GOLGA8B: variants seen among roughly 807,000 people sequenced by gnomAD.
The protein encoded by GOLGA8B is golgin subfamily A member 8B.
GOLGA8B carries 1 observed loss-of-function variant against 15.6 expected under a neutral mutation model. That is an observed-to-expected ratio of 0.06 (90% CI 0.02 to 0.30). The LOEUF is 0.30. Ranked by LOEUF, GOLGA8B falls within the 10% of genes least tolerant of loss-of-function variation. The pLI, the probability that GOLGA8B is intolerant of heterozygous loss-of-function variation, is 1.00. For synonymous variants in GOLGA8B, 9 were observed against 80.3 expected, an observed-to-expected ratio of 0.11 and a Z score of 4.75; for missense variants, 17 against 201.3, an observed-to-expected ratio of 0.08 and a Z score of 5.54.
intron 1 of GOLGA8B, among the ~76,000 whole-genome samples, chr15:34,569,315 C>T (rs1487782517): frequency 6.7e-6 from 1 of 150,052 alleles, no homozygotes; most frequent in Non-Finnish European, 1.5e-5. Flanking sequence ...AACAAACACC[C>T]AGGCCTTGGA....
chr15:34,581,927 A>T (rs1414805901), intron 1 of GOLGA8B, among the ~76,000 whole-genome samples: 2 of 152,116 alleles, frequency 1.3e-5, no homozygotes, highest in African/African-American at 4.8e-5. Flanking sequence ...CAGTACTGCT[A>T]GAGCCCACCG....
intron 1 of GOLGA8B, among the ~76,000 whole-genome samples, chr15:34,577,856 G>T (rs1889124234): frequency 6.6e-6 from 1 of 152,200 alleles, no homozygotes; most frequent in Admixed American, 6.5e-5. Flanking sequence ...TTGCTCCGGT[G>T]AGTCAGTCTG....
At chr15:34,579,029 C>T (rs1371227284) in intron 1 of GOLGA8B, among the ~76,000 whole-genome samples, 3 of 152,066 alleles carry the variant, frequency 2.0e-5, no homozygotes, top group Non-Finnish European at 4.4e-5. Context: ...TAAAATATCT[C>T]GCATCAGTTC....
rs543825045 is a variant in GOLGA8B, at chr15:34,583,602, G to A, written c.-1209C>T. On this transcript the variant is annotated 5_prime_UTR_variant, in exon 1 of 24. Coordinates refer to ENST00000683415, the MANE Select transcript of GOLGA8B (RefSeq NM_001023567.5). ...GTCCGGGAGGCTGAGCTCCTTGAGAGCCCGCACGTAGCGGCACACCGCGAC... is the reference window on the plus strand; with the variant it reads ...GTCCGGGAGGCTGAGCTCCTTGAGAACCCGCACGTAGCGGCACACCGCGAC... 5 of 152,476 alleles carry A rather than the reference G, an allele frequency of 3.3e-5. No individual in the cohort carries two copies. Among genetic ancestry groups the A allele is most frequent in the African/African-American group, 9.6e-5 (4 of 41,568 alleles). 9.4% of individuals were successfully genotyped at this position (152,476 alleles called of 1,614,324 possible). A position where few individuals can be genotyped will look rare whatever the true frequency, so the allele number is the denominator to read the frequency against.
At chr15:34,567,912 T>G (rs1211470252) in intron 1 of GOLGA8B, among the ~76,000 whole-genome samples, 1 of 151,760 alleles carries the variant, frequency 6.6e-6, no homozygotes, top group Non-Finnish European at 1.5e-5. Context: ...CACTTACCCC[T>G]TTTTCATCAC....
At chr15:34,568,933 G>A (rs921974891) in intron 1 of GOLGA8B, among the ~76,000 whole-genome samples, 6 of 147,310 alleles carry the variant, frequency 4.1e-5, no homozygotes, top group South Asian at 2.1e-4. Flanking sequence ...GCTCGCGCTC[G>A]TGCGCTTGTG....
At chr15:34,582,287 A>C (rs76069135) in intron 1 of GOLGA8B, among the ~76,000 whole-genome samples, 1 of 152,240 alleles carries the variant, frequency 6.6e-6, no homozygotes, top group Non-Finnish European at 1.5e-5. Context: ...GCTCCTGGCA[A>C]CTGCCAACCT....
At chr15:34,549,228 G>T (rs1888349776) in intron 4 of GOLGA8B, among the ~76,000 whole-genome samples, 1 of 108,244 alleles carries the variant, frequency 9.2e-6, no homozygotes. Flanking sequence ...AAAAAAAAAA[G>T]TCCAATTAAA....
chr15:34,572,381 T>C (rs1250492547), intron 1 of GOLGA8B, among the ~76,000 whole-genome samples: 3 of 152,236 alleles, frequency 2.0e-5, no homozygotes, highest in Admixed American at 1.3e-4. Context: ...CCTGTCAGCA[T>C]TCTCCGTGAG....
chr15:34,574,348 C>A (rs1184774947), intron 1 of GOLGA8B, among the ~76,000 whole-genome samples: 1 of 151,380 alleles, frequency 6.6e-6, no homozygotes, highest in African/African-American at 2.4e-5. Context: ...CTCTGTCACC[C>A]AGGGGAGGGC....
chr15:34,565,678 TC>T (rs1469033290), intron 1 of GOLGA8B, among the ~76,000 whole-genome samples: 6 of 1,680 alleles, frequency 3.6e-3, no homozygotes, highest in African/African-American at 0.013. Flanking sequence ...TTTCTTTCTT[TC>T]TTTTTTTTCT....
At chr15:34,578,441 G>A (rs751041015) in intron 1 of GOLGA8B, among the ~76,000 whole-genome samples, 44 of 152,042 alleles carry the variant, frequency 2.9e-4, no homozygotes, top group Non-Finnish European at 5.7e-4. Flanking sequence ...TGCCCACCCC[G>A]TTAAAAACAA....
At chr15:34,575,734 T>C (rs1322171788) in intron 1 of GOLGA8B, among the ~76,000 whole-genome samples, 1 of 152,110 alleles carries the variant, frequency 6.6e-6, no homozygotes, top group African/African-American at 2.4e-5. Flanking sequence ...CAACCTACCG[T>C]GGGGCTCTCA....
At position 34,583,518 on chromosome 15, in the gene GOLGA8B, G is replaced by A. The variant is rs1238942545; in HGVS notation, c.-1125C>T. 3 of 151,764 alleles carry A rather than the reference G, an allele frequency of 2.0e-5. No homozygotes were observed. The highest frequency in any genetic ancestry group is 1.3e-4 in the Admixed American group (2 of 15,238). 9.4% of individuals were successfully genotyped at this position (151,764 alleles called of 1,614,324 possible). A position where few individuals can be genotyped will look rare whatever the true frequency, so the allele number is the denominator to read the frequency against. On this transcript the variant is annotated splice_region_variant and 5_prime_UTR_variant, in exon 1 of 24. Transcript: ENST00000683415. ...GCAGCCAAGGTTCCCCAGCTTACCT[G>A]GCCAGGGCGCGGGGCTGCCCCGGTC...
At chr15:34,572,158 A>G (rs1180005009) in intron 1 of GOLGA8B, among the ~76,000 whole-genome samples, 1 of 152,236 alleles carries the variant, frequency 6.6e-6, no homozygotes, top group Admixed American at 6.5e-5. Context: ...TCATGTCCAG[A>G]GAGTGTCGAT....
At chr15:34,564,405 T>C (rs1169263981) in intron 1 of GOLGA8B, among the ~76,000 whole-genome samples, 11 of 149,242 alleles carry the variant, frequency 7.4e-5, no homozygotes, top group Admixed American at 6.0e-4. Flanking sequence ...ACTTCTAGGC[T>C]GCTGTAAAGA....
At chr15:34,529,925 TG>T (rs1375687782) in intron 17 of GOLGA8B, 41 bp downstream of exon 17, 50 of 1,736 alleles carry the variant, frequency 0.029, no homozygotes, top group African/African-American at 0.038. Flanking sequence ...AAGTTGTTGG[TG>T]GGGGGGGGGT....
intron 1 of GOLGA8B, chr15:34,581,429 A>G (rs1374274717): frequency 6.6e-6 from 1 of 152,194 alleles, no homozygotes; most frequent in Non-Finnish European, 1.5e-5. Context: ...CCCATCTCTA[A>G]GCTTCCAGGG....
intron 1 of GOLGA8B, among the ~76,000 whole-genome samples, chr15:34,573,842 C>A (rs187236977): frequency 4.1e-4 from 62 of 151,784 alleles, no homozygotes; most frequent in African/African-American, 1.5e-3. Flanking sequence ...GGACACTAGG[C>A]CAAGCTTCAA....
Sources: gnomAD v4.1 joint callset for allele counts (sites outside exome capture counted in the v4.1 genomes callset) on GRCh38, gnomAD v4.1.1 for gene constraint, MANE v1.5 for transcripts, NCBI Gene and HGNC (gene_info 2026-07-23, HGNC 2026-07-21) for gene names.